Variants in TRPM3 observed in about 807,000 individuals in gnomAD.
The protein encoded by TRPM3 is transient receptor potential cation channel subfamily M member 3, also known as long transient receptor potential channel 3.
In TRPM3, 77 loss-of-function variants were observed where a neutral mutation model predicts 181.2. That is an observed-to-expected ratio of 0.42 (90% confidence interval 0.35 to 0.51). The LOEUF is 0.51. Ranked by LOEUF, TRPM3 falls within the 20% of genes least tolerant of loss-of-function variation. The probability of loss-of-function intolerance (pLI) is 0.01; values close to 1 mark genes in which losing one functional copy is unlikely to be tolerated. For synonymous variants in TRPM3, 745 were observed against 796.4 expected, an observed-to-expected ratio of 0.94 and a Z score of 1.09; for missense variants, 1,759 against 2,196.7, an observed-to-expected ratio of 0.80 and a Z score of 3.98.
At chr9:71,026,435 C>T (rs755514926) in intron 1 of TRPM3, among the ~76,000 whole-genome samples, 21 of 152,212 alleles carry the variant, frequency 1.4e-4, no homozygotes, top group Non-Finnish European at 2.1e-4. Context: ...TGAACACGCA[C>T]CAGCCTGCCC....
rs1565261215 is a variant in TRPM3 at position 71,134,012 on chromosome 9, T to TCAC, written c.184-269502_184-269501insGTG. On this transcript the variant is annotated intron_variant, in intron 1 of 24. Transcript: ENST00000357533. ...GTGTGTGTGTGTGTGTGTGTGTGTG[T>TCAC]GTGCGCGTGCGCGCGCGCGCGTGTC... Among the ~76,000 whole-genome samples the TCAC allele has an allele frequency of 5.0e-4, 66 of 131,526 alleles. 1 individual carries two copies. Among genetic ancestry groups the TCAC allele is most frequent in the Admixed American group, 8.4e-4 (11 of 13,070 alleles). The allele number at this position is 131,526 out of a possible 152,430, so 86.3% of individuals were successfully genotyped here. A position where few individuals can be genotyped will look rare whatever the true frequency, so the allele number is the denominator to read the frequency against.
intron 22 of TRPM3, among the ~76,000 whole-genome samples, chr9:70,587,187 G>C (rs2057293571): frequency 6.6e-6 from 1 of 152,104 alleles, no homozygotes; most frequent in Admixed American, 6.6e-5. Flanking sequence ...GAATGGAAAG[G>C]GCTAGATAAT....
At chr9:70,693,857 AG>A (rs1479314655) in intron 8 of TRPM3, among the ~76,000 whole-genome samples, 4 of 152,240 alleles carry the variant, frequency 2.6e-5, no homozygotes, top group African/African-American at 9.6e-5. Flanking sequence ...GGGACCTTTG[AG>A]GGTACAAAAA....
chr9:70,953,296 G>T (rs1019991031), intron 1 of TRPM3, among the ~76,000 whole-genome samples: 1 of 152,178 alleles, frequency 6.6e-6, no homozygotes, highest in African/African-American at 2.4e-5. Context: ...ATGATTGGGA[G>T]ACTGTGTCCA....
At chr9:71,049,191 C>T (rs1590972197) in intron 1 of TRPM3, among the ~76,000 whole-genome samples, 1 of 152,058 alleles carries the variant, frequency 6.6e-6, no homozygotes, top group Admixed American at 6.6e-5. Flanking sequence ...ACTCCATTGA[C>T]TTACCTTTAT....
intron 1 of TRPM3, among the ~76,000 whole-genome samples, chr9:70,940,216 T>C (rs1389193195): frequency 1.3e-5 from 2 of 152,208 alleles, no homozygotes; most frequent in East Asian, 3.9e-4. Flanking sequence ...TTGAGGTAGA[T>C]AGTTAATATC....
intron 25 of TRPM3, among the ~76,000 whole-genome samples, chr9:70,547,388 A>G (rs774930335): frequency 6.6e-6 from 1 of 152,120 alleles, no homozygotes; most frequent in Non-Finnish European, 1.5e-5. Context: ...CTCAGAAAGG[A>G]CATGTTCTAG....
intron 1 of TRPM3, among the ~76,000 whole-genome samples, chr9:71,035,982 C>CTT (rs35101881): frequency 0.22 from 21,862 of 97,622 alleles, 2,472 homozygotes; most frequent in Non-Finnish European, 0.25. Flanking sequence ...CAAACATAGG[C>CTT]TTTTTTTTTT....
intron 21 of TRPM3, among the ~76,000 whole-genome samples, chr9:70,596,591 C>T (rs1342838771): frequency 2.6e-5 from 4 of 151,542 alleles, no homozygotes; most frequent in African/African-American, 7.3e-5. Flanking sequence ...ATTAGCCTGG[C>T]GTGGTGGCAG....
chr9:71,360,994 T>G (rs565746077), intron 1 of TRPM3, among the ~76,000 whole-genome samples: 2 of 152,316 alleles, frequency 1.3e-5, no homozygotes, highest in East Asian at 1.9e-4. Context: ...TTTTAAATTT[T>G]TATTTATTTT....
chr9:70,699,770 G>A (rs746408430), intron 8 of TRPM3, among the ~76,000 whole-genome samples: 16 of 152,270 alleles, frequency 1.1e-4, no homozygotes, highest in Admixed American at 3.3e-4. Context: ...CCAGCTTCAG[G>A]GAAGCTGCAC....
chr9:70,850,930 T>C lies in TRPM3; in HGVS notation c.463-4339A>G, dbSNP rs533504448. On this transcript the variant is annotated intron_variant, in intron 3 of 25. Transcript: ENST00000677713. The stretch of plus-strand genomic sequence containing the variant: ...GGACTTATGTTCTCCTAAGGTGAGA[T>C]ATAAATTACACTTTTCTTAAACACA... Among the ~76,000 whole-genome samples, 9 of 152,350 alleles carry C rather than the reference T, an allele frequency of 5.9e-5. No individual in the cohort carries two copies. The East Asian group carries it at 1.5e-3, about 26-fold the overall frequency.
intron 10 of TRPM3, among the ~76,000 whole-genome samples, chr9:70,640,191 G>GC (rs34713052): frequency 6.6e-6 from 1 of 152,096 alleles, no homozygotes; most frequent in Admixed American, 6.6e-5. Context: ...CCTTCCCTTT[G>GC]CCCCATCAAA....
intron 1 of TRPM3, among the ~76,000 whole-genome samples, chr9:70,930,073 G>A (rs776275482): frequency 7.2e-5 from 11 of 152,166 alleles, no homozygotes; most frequent in Admixed American, 3.3e-4. Flanking sequence ...AGTGGAGTTC[G>A]GGTGCAAGGT....
intron 21 of TRPM3, among the ~76,000 whole-genome samples, chr9:70,591,446 C>G (rs1396181186): frequency 6.6e-6 from 1 of 152,136 alleles, no homozygotes; most frequent in Non-Finnish European, 1.5e-5. Flanking sequence ...CAGATGAAGC[C>G]TCTTCGTTTT....
intron 1 of TRPM3, among the ~76,000 whole-genome samples, chr9:71,120,840 C>T (rs2073480472): frequency 6.6e-6 from 1 of 152,162 alleles, no homozygotes; most frequent in African/African-American, 2.4e-5. Context: ...AGATTTCACT[C>T]CCACTACTAT....
At chr9:71,326,970 G>T (rs1160556908) in intron 1 of TRPM3, among the ~76,000 whole-genome samples, 2 of 152,180 alleles carry the variant, frequency 1.3e-5, no homozygotes, top group African/African-American at 4.8e-5. Flanking sequence ...CTGTCAAGAT[G>T]ACATCAGGAC....
intron 1 of TRPM3, among the ~76,000 whole-genome samples, chr9:71,304,087 A>C (rs2087034772): frequency 1.3e-5 from 2 of 152,120 alleles, no homozygotes; most frequent in Non-Finnish European, 2.9e-5. Context: ...CATATTGGAG[A>C]CCAATACACA....
chr9:70,746,386 A>T (rs555067694), intron 8 of TRPM3, among the ~76,000 whole-genome samples: 1 of 152,144 alleles, frequency 6.6e-6, no homozygotes, highest in East Asian at 1.9e-4. Flanking sequence ...ATGTGGAAAG[A>T]GAGTTGTCAT....
Sources: allele counts gnomAD v4.1 joint callset (sites outside exome capture counted in the v4.1 genomes callset), GRCh38; gene constraint gnomAD v4.1.1; transcripts MANE v1.5; gene names NCBI Gene and HGNC (gene_info 2026-07-23, HGNC 2026-07-21).